PPP1R8: variants seen among roughly 807,000 people sequenced by gnomAD.
The protein encoded by PPP1R8 is nuclear inhibitor of protein phosphatase 1.
In PPP1R8, 4 loss-of-function variants were observed where a neutral mutation model predicts 31.3. That is an observed-to-expected ratio of 0.13 (90% CI 0.06 to 0.29). PPP1R8 has a LOEUF of 0.29. Ranked by LOEUF, PPP1R8 falls within the 10% of genes least tolerant of loss-of-function variation. PPP1R8 has a pLI of 1.00. For synonymous variants in PPP1R8, 170 were observed against 169.7 expected, an observed-to-expected ratio of 1.00 and a Z score of -0.01; for missense variants, 254 against 440.1, an observed-to-expected ratio of 0.58 and a Z score of 3.78.
At chr1:27,844,664 A>G (rs1163353675) in intron 5 of PPP1R8, among the ~76,000 whole-genome samples, 1 of 149,038 alleles carries the variant, frequency 6.7e-6, no homozygotes, top group Non-Finnish European at 1.5e-5. Flanking sequence ...TGTTTGTACA[A>G]CAGCCAGCAA....
chr1:27,846,200 A>G (rs918853853), intron 5 of PPP1R8, among the ~76,000 whole-genome samples: 1 of 152,246 alleles, frequency 6.6e-6, no homozygotes, highest in Admixed American at 6.5e-5. Flanking sequence ...GGCTTGGAGT[A>G]GTTTTCTCTA....
intron 5 of PPP1R8, 112 bp downstream of exon 5, chr1:27,843,442 A>G: frequency 1.5e-6 from 2 of 1,332,540 alleles, no homozygotes; most frequent in Non-Finnish European, 2.1e-6. Context: ...GGATCACTTA[A>G]GGTCAAGAGT....
At chr1:27,846,656 A>AAG (rs1482316842) in intron 5 of PPP1R8, among the ~76,000 whole-genome samples, 1 of 152,124 alleles carries the variant, frequency 6.6e-6, no homozygotes, top group Non-Finnish European at 1.5e-5. Context: ...TTCCCCTCAA[A>AAG]AGAGGGAGTT....
At position 27,850,043 on chromosome 1, in the gene PPP1R8, C is replaced by T. The variant is rs1188741806; in HGVS notation, c.703-50C>T. On this transcript the variant is annotated intron_variant, in intron 6 of 6. Coordinates refer to ENST00000311772, the MANE Select transcript of PPP1R8 (RefSeq NM_014110.5). ...AAAGCTAACCACTCTTGGGCCTCACCTCTTGTCTTCTCTCTCCAATCTCTC... is the reference window on the plus strand; with the variant it reads ...AAAGCTAACCACTCTTGGGCCTCACTTCTTGTCTTCTCTCTCCAATCTCTC... The T allele has an allele frequency of 4.6e-5, 69 of 1,492,260 alleles. 1 individual carries two copies. The highest frequency in any genetic ancestry group is 5.3e-5 in the Non-Finnish European group (59 of 1,113,482). The allele number at this position is 1,492,260 out of a possible 1,614,324, so 92.4% of individuals were successfully genotyped here. A position where few individuals can be genotyped will look rare whatever the true frequency, so the allele number is the denominator to read the frequency against.
intron 6 of PPP1R8, among the ~76,000 whole-genome samples, chr1:27,847,576 C>G (rs1177601398): frequency 6.6e-6 from 1 of 150,862 alleles, no homozygotes; most frequent in African/African-American, 2.4e-5. Flanking sequence ...ACTAAAAATA[C>G]AAAAATTAGC....
intron 5 of PPP1R8, 80 bp from the exon 6 acceptor site, chr1:27,846,948 G>T: frequency 1.7e-6 from 2 of 1,169,486 alleles, no homozygotes; most frequent in East Asian, 2.3e-5. Flanking sequence ...TTGTTGTGAT[G>T]GTTTGTTTGC....
intron 5 of PPP1R8, among the ~76,000 whole-genome samples, chr1:27,846,641 T>C (rs946519499): frequency 2.6e-5 from 4 of 152,210 alleles, no homozygotes; most frequent in African/African-American, 7.2e-5. Context: ...CTACTCTTCT[T>C]TTCTTTCCCC....
chr1:27,839,253 T>A (rs950389219), intron 3 of PPP1R8, among the ~76,000 whole-genome samples: 2 of 151,866 alleles, frequency 1.3e-5, no homozygotes, highest in African/African-American at 4.8e-5. Context: ...AAGAGCTGGG[T>A]GCAGTGGCTC....
chr1:27,841,288 T>G (rs1446755352), intron 4 of PPP1R8, 54 bp downstream of exon 4: 1 of 1,578,442 alleles, frequency 6.3e-7, no homozygotes. Context: ...GTTTTTGGAG[T>G]ATACAGCTGT....
rs554381112 is a variant in PPP1R8 at position 27,839,961 on chromosome 1, T to C, written c.272-1053T>C. ...TATGGTCTCAGCTGCTTGGGAGGCT[T>C]AAGTGGGAGGATCGTTTGAGCCCAG... On this transcript the variant is annotated intron_variant, in intron 3 of 6. Transcript: ENST00000311772. 1.5e-3 allele frequency among the ~76,000 whole-genome samples: 227 copies of C among 151,906 alleles called. 2 individuals are homozygous for C. Among genetic ancestry groups the C allele is most frequent in the Non-Finnish European group, 1.6e-3 (106 of 67,918 alleles).
At chr1:27,846,888 A>G in intron 5 of PPP1R8, 140 bp from the exon 6 acceptor site, 1 of 703,906 alleles carries the variant, frequency 1.4e-6, no homozygotes, top group Non-Finnish European at 2.6e-6. Flanking sequence ...ATTTAGCACA[A>G]TGCCCAGCAC....
chr1:27,830,812 C>G lies in PPP1R8; in HGVS notation c.-24C>G. On this transcript the variant is annotated 5_prime_UTR_variant, in exon 1 of 7. Coordinates refer to ENST00000311772, the MANE Select transcript of PPP1R8 (RefSeq NM_014110.5). ...AGTTTCCCGGCGTGCTTAGGGCGCG[C>G]CAAATGGGAGGGGGAGACGCAAGAT... 6.4e-7 allele frequency: 1 copy of G among 1,568,162 alleles called. No individual in the cohort carries two copies. The highest frequency in any genetic ancestry group is 2.4e-5 in the East Asian group (1 of 42,142).
chr1:27,851,672 G>A lies in PPP1R8; in HGVS notation c.*1226G>A, dbSNP rs1271977208. The A allele has an allele frequency of 2.2e-6, 1 of 463,020 alleles. No individual in the cohort carries two copies. The highest frequency in any genetic ancestry group is 4.4e-6 in the Non-Finnish European group (1 of 229,458). The allele number at this position is 463,020 out of a possible 1,614,324, so 28.7% of individuals were successfully genotyped here. A position where few individuals can be genotyped will look rare whatever the true frequency, so the allele number is the denominator to read the frequency against. ...AAATAAAGATGCCCTAAATGAGTGT[G>A]GAAATTCTAATGAGAGAATGTAGTC... On this transcript the variant is annotated 3_prime_UTR_variant, in exon 7 of 7. Coordinates refer to ENST00000311772, the MANE Select transcript of PPP1R8 (RefSeq NM_014110.5).
chr1:27,842,289 C>T (rs1437918674), intron 4 of PPP1R8, among the ~76,000 whole-genome samples: 3 of 150,876 alleles, frequency 2.0e-5, no homozygotes, highest in African/African-American at 7.4e-5. Flanking sequence ...TTGTGGTGAG[C>T]CAAGATCGCG....
In PPP1R8 at chr1:27,850,482, G is replaced by GGGGGC; in HGVS notation, c.*36_*37insGGGGC. ...CATGGAGAAGGGTGGGATTGGGTGG[G>GGGGGC]AATGGGGTGGAAGGGTGATGGGGAG... On this transcript the variant is annotated 3_prime_UTR_variant, in exon 7 of 7. Transcript: ENST00000311772. 7.8e-6 allele frequency: 4 copies of GGGGGC among 511,058 alleles called. No individual in the cohort carries two copies. The highest frequency in any genetic ancestry group is 1.6e-5 in the South Asian group (1 of 61,334). The allele number at this position is 511,058 out of a possible 1,614,324, so 31.7% of individuals were successfully genotyped here. A position where few individuals can be genotyped will look rare whatever the true frequency, so the allele number is the denominator to read the frequency against.
At chr1:27,836,772 C>G (rs1400874960) in intron 2 of PPP1R8, among the ~76,000 whole-genome samples, 2 of 152,076 alleles carry the variant, frequency 1.3e-5, no homozygotes, top group Non-Finnish European at 2.9e-5. Flanking sequence ...TGGCTAACAC[C>G]GGTAATCCCA....
intron 5 of PPP1R8, among the ~76,000 whole-genome samples, chr1:27,844,755 G>T (rs2089256989): frequency 7.4e-6 from 1 of 135,032 alleles, no homozygotes; most frequent in Admixed American, 7.5e-5. Context: ...TGTCACCCAG[G>T]CTGGAGTGCT....
intron 4 of PPP1R8, among the ~76,000 whole-genome samples, chr1:27,842,329 C>T (rs1362725438): frequency 7.3e-6 from 1 of 137,176 alleles, no homozygotes; most frequent in African/African-American, 2.8e-5. Context: ...GCAACAAGAG[C>T]GAAACTCCGT....
chr1:27,841,380 G>T, intron 4 of PPP1R8, 146 bp downstream of exon 4: 4 of 805,124 alleles, frequency 5.0e-6, no homozygotes, highest in Non-Finnish European at 5.8e-6. Context: ...ATCTGGTGTG[G>T]CCAGCTGTGA....
Sources: allele counts gnomAD v4.1 joint callset (sites outside exome capture counted in the v4.1 genomes callset), GRCh38; gene constraint gnomAD v4.1.1; transcripts MANE v1.5; gene names NCBI Gene and HGNC (gene_info 2026-07-23, HGNC 2026-07-21).